Variants in DCAF8L2 observed in about 807,000 individuals in gnomAD.
DCAF8L2 encodes the protein DDB1 and CUL4 associated factor 8 like 2.
For missense variants in DCAF8L2, 430 were observed against 490.7 expected, an observed-to-expected ratio of 0.88 and a Z score of 1.17; for synonymous variants, 200 against 190.9, an observed-to-expected ratio of 1.05 and a Z score of -0.39.
At chrX:27,647,807 G>A (rs1288197190) in intron 2 of DCAF8L2, among the ~76,000 whole-genome samples, 1 of 111,359 alleles carries the variant, frequency 9.0e-6, no homozygotes, top group Non-Finnish European at 1.9e-5. Flanking sequence ...CCAATGACAA[G>A]GAAAATTGTC....
At chrX:27,708,347 A>G (rs1347472011) in intron 3 of DCAF8L2, among the ~76,000 whole-genome samples, 1 of 111,839 alleles carries the variant, frequency 8.9e-6, no homozygotes, top group African/African-American at 3.3e-5. Flanking sequence ...TAATGGCTGC[A>G]TAGTATTCTA....
At chrX:27,609,688 C>T (rs768869472) in intron 1 of DCAF8L2, among the ~76,000 whole-genome samples, 2 of 111,258 alleles carry the variant, frequency 1.8e-5, no homozygotes, top group Non-Finnish European at 3.8e-5. Flanking sequence ...GTCTGATGCT[C>T]TTATAGAAAA....
At chrX:27,625,984 C>T (rs936582827) in intron 1 of DCAF8L2, among the ~76,000 whole-genome samples, 2 of 110,612 alleles carry the variant, frequency 1.8e-5, no homozygotes, top group African/African-American at 3.3e-5. Context: ...ATGTAACAAT[C>T]GTGTGCATAT....
chrX:27,572,722 TA>T, the DCAF8L2 span, among the ~76,000 whole-genome samples: 1 of 111,584 alleles, frequency 9.0e-6, no homozygotes, highest in Non-Finnish European at 1.9e-5. Context: ...TACTGATTCA[TA>T]ATTCTCAGGG....
chrX:27,543,295 G>A, the DCAF8L2 span, among the ~76,000 whole-genome samples: 3 of 111,761 alleles, frequency 2.7e-5, no homozygotes, highest in East Asian at 8.5e-4. Context: ...ATGGTTGTAG[G>A]TGTGCAGCTT....
At chrX:27,557,477 TAA>T in the DCAF8L2 span, among the ~76,000 whole-genome samples, 1 of 111,705 alleles carries the variant, frequency 9.0e-6, no homozygotes, top group South Asian at 3.7e-4. Flanking sequence ...TCAATCCGAG[TAA>T]AAATAGCTAT....
intron 2 of DCAF8L2, among the ~76,000 whole-genome samples, chrX:27,677,568 A>T (rs750246817): frequency 9.0e-6 from 1 of 111,293 alleles, no homozygotes; most frequent in Non-Finnish European, 1.9e-5. Flanking sequence ...TTAAAAACCT[A>T]AGGAAGCTTA....
rs1310675857 is a variant in DCAF8L2, at chrX:27,590,459, G to A, written c.-342+19G>A. 9.0e-6 allele frequency: 1 copy of A among 111,448 alleles called. No individual in the cohort carries two copies. Among genetic ancestry groups the A allele is most frequent in the East Asian group, 2.8e-4 (1 of 3,537 alleles). The allele number at this position is 111,448 out of a possible 1,213,427, so 9.2% of individuals were successfully genotyped here. A position where few individuals can be genotyped will look rare whatever the true frequency, so the allele number is the denominator to read the frequency against. ...GTCTATGGTATGTAATCAATATTTT[G>A]ATTTCAACAATGATTTTGGGAGTGG... On this transcript the variant is annotated intron_variant, in intron 1 of 4. Transcript: ENST00000451261.
chrX:27,562,659 C>T, the DCAF8L2 span, among the ~76,000 whole-genome samples: 2 of 112,093 alleles, frequency 1.8e-5, no homozygotes, highest in Non-Finnish European at 3.8e-5. Flanking sequence ...TCCAACCTGG[C>T]GGGGAGCTCT....
At chrX:27,552,576 T>A in the DCAF8L2 span, among the ~76,000 whole-genome samples, 1 of 112,198 alleles carries the variant, frequency 8.9e-6, no homozygotes, top group Non-Finnish European at 1.9e-5. Flanking sequence ...TGTGTTCTCT[T>A]GGTGCCTTTG....
the DCAF8L2 span, among the ~76,000 whole-genome samples, chrX:27,483,114 C>A: frequency 1.8e-5 from 2 of 111,320 alleles, no homozygotes; most frequent in African/African-American, 6.5e-5. Flanking sequence ...TTGTTTCACC[C>A]TAAACATTTT....
At chrX:27,724,074 A>C (rs1931992518) in intron 4 of DCAF8L2, among the ~76,000 whole-genome samples, 1 of 110,986 alleles carries the variant, frequency 9.0e-6, no homozygotes, top group African/African-American at 3.3e-5. Flanking sequence ...TGCAATAAAA[A>C]TATTTATCAG....
At chrX:27,588,877 C>T (rs941969954), upstream of DCAF8L2, among the ~76,000 whole-genome samples, 1 of 110,308 alleles carries the variant, frequency 9.1e-6, no homozygotes, top group South Asian at 4.0e-4. Context: ...TTACACACAC[C>T]GAGAATGAGT....
intron 2 of DCAF8L2, among the ~76,000 whole-genome samples, chrX:27,640,789 G>C (rs1006767152): frequency 3.9e-5 from 4 of 103,400 alleles, no homozygotes; most frequent in African/African-American, 1.5e-4. Context: ...TTAATATGTA[G>C]TGGTATTTTA....
chrX:27,620,930 A>G (rs746053346), intron 1 of DCAF8L2, among the ~76,000 whole-genome samples: 2 of 112,312 alleles, frequency 1.8e-5, no homozygotes, highest in Non-Finnish European at 3.8e-5. Flanking sequence ...GTGTCTGTGG[A>G]TAAATGAATA....
At chrX:27,665,692 C>A (rs1840674750) in intron 2 of DCAF8L2, among the ~76,000 whole-genome samples, 1 of 111,319 alleles carries the variant, frequency 9.0e-6, no homozygotes, top group Non-Finnish European at 1.9e-5. Context: ...TTACCATAGC[C>A]ACCCCAACCT....
intron 3 of DCAF8L2, among the ~76,000 whole-genome samples, chrX:27,694,057 C>T (rs2147258205): frequency 8.9e-6 from 1 of 112,023 alleles, no homozygotes; most frequent in Admixed American, 9.5e-5. Context: ...ATGTCCTTAG[C>T]AGCAAAATGG....
the DCAF8L2 span, among the ~76,000 whole-genome samples, chrX:27,504,515 G>A: frequency 3.6e-5 from 4 of 111,221 alleles, no homozygotes; most frequent in Non-Finnish European, 7.6e-5. Context: ...TATGTCTTAC[G>A]TCCATGGGCC....
the DCAF8L2 span, among the ~76,000 whole-genome samples, chrX:27,474,351 A>G: frequency 8.9e-6 from 1 of 112,048 alleles, no homozygotes; most frequent in Non-Finnish European, 1.9e-5. Context: ...CCATATTTTT[A>G]TCCCACCCAC....
Sources: allele counts gnomAD v4.1 joint callset (sites outside exome capture counted in the v4.1 genomes callset), GRCh38; gene constraint gnomAD v4.1.1; transcripts MANE v1.5; gene names NCBI Gene and HGNC (gene_info 2026-07-23, HGNC 2026-07-21).